The following GPRC5C variants were observed in gnomAD, a reference collection of about 807,000 sequenced individuals.
The protein encoded by GPRC5C is G protein-coupled receptor class C group 5 member C, also known as G protein-coupled receptor family C group 5 member C.
A neutral mutation model predicts 31.4 loss-of-function variants in GPRC5C; 22 were observed. The ratio of observed to expected loss-of-function variants is 0.70; its 90% CI spans 0.50 to 1.00. The LOEUF is 1.00. Ranked by LOEUF, GPRC5C falls within the 50% of genes least tolerant of loss-of-function variation. GPRC5C has a pLI of 0.00. For missense variants in GPRC5C, 557 were observed against 597.2 expected (o/e 0.93, Z 0.70); for synonymous variants, 249 against 257.5 (o/e 0.97, Z 0.32).
At position 74,440,337 on chromosome 17, in the gene GPRC5C, C is replaced by G. The variant is rs756055990; in HGVS notation, c.561C>G (p.Gly187=). ...ITLVRGSGEG[G]PQGNSSAGWA... ...TGGTTCGGGGCAGTGGCGAGGGCGG[C>G]CCTCAGGGCAACAGCAGCGCAGGCT... is the stretch of plus-strand genomic sequence containing the variant. The change falls in exon 2 of 4, where the codon GGC becomes GGG. Residue 187 remains glycine, a synonymous_variant. Transcript: ENST00000392627. The surrounding 1 kb of genome is among the most constrained non-coding windows in gnomAD (Gnocchi z 4.4). 7 of 1,614,062 alleles carry G rather than the reference C, an allele frequency of 4.3e-6. No homozygotes were observed. The East Asian group carries it at 1.3e-4, about 31-fold the overall frequency.
At chr17:74,432,442 C>T (rs1451302882) in intron 1 of GPRC5C, 25 of 1,110,560 alleles carry the variant, frequency 2.3e-5, no homozygotes, top group Non-Finnish European at 2.6e-5. Flanking sequence ...CGCCGCGTCC[C>T]TCCCACCCCC....
chr17:74,438,176 A>AGG (rs2055463091), intron 1 of GPRC5C, among the ~76,000 whole-genome samples: 1 of 140,944 alleles, frequency 7.1e-6, no homozygotes, highest in Admixed American at 7.2e-5. Context: ...CTCAGACTAC[A>AGG]GGTGCATGCC....
In GPRC5C at chr17:74,440,298, G is replaced by A; in HGVS notation, c.522G>A (p.Trp174Ter). The A allele has an allele frequency of 6.2e-7, 1 of 1,614,186 alleles. No homozygotes were observed. The highest frequency in any genetic ancestry group is 8.5e-7 in the Non-Finnish European group (1 of 1,180,006). Residue 174 changes from tryptophan to a stop codon, truncating the protein, a stop_gained, in exon 2 of 4, where the codon TGG (tryptophan) becomes TGA (stop). Transcript: ENST00000392627. LOFTEE classifies it high-confidence loss of function. This position sits in a 1 kb window ranked among gnomAD's most constrained non-coding sequence, Gnocchi z 4.4. Reference protein sequence around the residue: ...TLVEVIINTEWLIITLVRGSG... With the variant: ...TLVEVIINTE Reference sequence around the variant, plus strand: ...TAGAGGTCATCATCAATACAGAGTGGCTGATCATCACCCTGGTTCGGGGCA... The same window carrying A: ...TAGAGGTCATCATCAATACAGAGTGACTGATCATCACCCTGGTTCGGGGCA...
At chr17:74,434,433 T>C (rs1373003023) in intron 1 of GPRC5C, among the ~76,000 whole-genome samples, 4 of 152,206 alleles carry the variant, frequency 2.6e-5, no homozygotes, top group Non-Finnish European at 5.9e-5. Flanking sequence ...TCTAGAAGTC[T>C]TGTTCACCAG....
chr17:74,443,959 C>T (rs749992939), intron 3 of GPRC5C, 47 bp downstream of exon 3: 2 of 1,310,456 alleles, frequency 1.5e-6, no homozygotes, highest in Non-Finnish European at 1.1e-6. Context: ...GCTACAGAGA[C>T]CAGCCTCAGC....
downstream of GPRC5C, among the ~76,000 whole-genome samples, chr17:74,448,005 C>CGGTCATTAAAATGTCCATTT (rs2055668048): frequency 2.0e-5 from 3 of 152,270 alleles, no homozygotes; most frequent in South Asian, 6.2e-4. Flanking sequence ...CGTTCCCGAG[C>CGGTCATTAAAATGTCCATTT]GGTCATTAAA....
chr17:74,438,449 C>G (rs529300639), intron 1 of GPRC5C, among the ~76,000 whole-genome samples: 1 of 151,602 alleles, frequency 6.6e-6, no homozygotes, highest in Non-Finnish European at 1.5e-5. Flanking sequence ...TTAGTAGAGA[C>G]GGGGTTTCAC....
At chr17:74,443,562 G>T (rs1282775463) in intron 2 of GPRC5C, 3 of 636,926 alleles carry the variant, frequency 4.7e-6, no homozygotes, top group East Asian at 3.2e-5. Context: ...GGGCTGGGGT[G>T]TCTACAGTGC....
intron 3 of GPRC5C, among the ~76,000 whole-genome samples, chr17:74,444,214 G>C (rs2055590283): frequency 1.3e-5 from 2 of 152,190 alleles, no homozygotes; most frequent in South Asian, 4.1e-4. Flanking sequence ...AGCTCTCCCT[G>C]GTGGGAGCTG....
At chr17:74,448,602 C>T (rs1001258694), downstream of GPRC5C, among the ~76,000 whole-genome samples, 1 of 152,186 alleles carries the variant, frequency 6.6e-6, no homozygotes, top group African/African-American at 2.4e-5. Flanking sequence ...TGGTCTTGAA[C>T]TCCTGGCCTC....
chr17:74,433,757 G>T, intron 1 of GPRC5C: 1 of 1,611,848 alleles, frequency 6.2e-7, no homozygotes, highest in South Asian at 1.1e-5. Flanking sequence ...ATTGGCCATG[G>T]GTCAGTGTTG....
At chr17:74,451,402 G>A (rs1028156137), downstream of GPRC5C, 2 of 152,182 alleles carry the variant, frequency 1.3e-5, no homozygotes, top group South Asian at 2.1e-4. Context: ...ACTCCCGCCC[G>A]GGCCAAGTGG....
chr17:74,436,492 C>T (rs559390718), intron 1 of GPRC5C, among the ~76,000 whole-genome samples: 1 of 152,274 alleles, frequency 6.6e-6, no homozygotes, highest in African/African-American at 2.4e-5. Context: ...AGGTAAATTC[C>T]GTTGTGTGGC....
At chr17:74,434,897 T>A (rs968897467) in intron 1 of GPRC5C, among the ~76,000 whole-genome samples, 3 of 149,566 alleles carry the variant, frequency 2.0e-5, no homozygotes, top group African/African-American at 7.4e-5. Context: ...CACTCCAGTC[T>A]GGGCAACAAG....
At chr17:74,433,704 C>T (rs1016812376) in intron 1 of GPRC5C, 1 of 1,612,510 alleles carries the variant, frequency 6.2e-7, no homozygotes, top group African/African-American at 1.3e-5. Context: ...CTGGGGGAAC[C>T]TCCCTGAAGA....
At chr17:74,444,224 G>T (rs781174476) in intron 3 of GPRC5C, among the ~76,000 whole-genome samples, 57 of 152,190 alleles carry the variant, frequency 3.7e-4, no homozygotes, top group Non-Finnish European at 6.3e-4. Context: ...GGTGGGAGCT[G>T]CCAGCTTTAC....
intron 2 of GPRC5C, among the ~76,000 whole-genome samples, chr17:74,442,733 AC>A (rs1366680876): frequency 6.6e-6 from 1 of 152,092 alleles, no homozygotes; most frequent in Non-Finnish European, 1.5e-5. Context: ...GAAAGAGATG[AC>A]CCTTGTCCTG....
intron 3 of GPRC5C, among the ~76,000 whole-genome samples, chr17:74,444,936 T>C (rs2706529): frequency 0.28 from 43,247 of 152,064 alleles, 11,509 homozygotes; most frequent in African/African-American, 0.71. Flanking sequence ...AGCACTAGCC[T>C]CACCTGGGAG....
intron 2 of GPRC5C, among the ~76,000 whole-genome samples, chr17:74,441,562 C>T (rs933713927): frequency 1.3e-5 from 2 of 151,928 alleles, no homozygotes; most frequent in African/African-American, 4.8e-5. Context: ...CCATGGCTCA[C>T]ACCTGTAATC....
Sources: gnomAD v4.1 joint callset for allele counts (sites outside exome capture counted in the v4.1 genomes callset) on GRCh38, gnomAD v4.1.1 for gene constraint, Gnocchi (gnomAD v3.1) non-coding constraint, MANE v1.5 for transcripts, NCBI Gene and HGNC (gene_info 2026-07-23, HGNC 2026-07-21) for gene names.